The following EFNA2 variants were observed in gnomAD, a reference collection of about 807,000 sequenced individuals.
The protein encoded by EFNA2 is ephrin A2.
In EFNA2, 18 loss-of-function variants were observed where a neutral mutation model predicts 19.7. The observed-to-expected ratio is 0.91, with a 90% CI of 0.63 to 1.35. The LOEUF is 1.35. Ranked by LOEUF, EFNA2 falls within the 40% of genes most tolerant of loss-of-function variation. EFNA2 has a pLI of 0.00. For synonymous variants in EFNA2, 187 were observed against 137.8 expected, an observed-to-expected ratio of 1.36 and a Z score of -2.50; for missense variants, 303 against 296.0, an observed-to-expected ratio of 1.02 and a Z score of -0.17.
rs1240919559 is a variant in EFNA2 at position 1,301,268 on chromosome 19, C to T, written c.*1323C>T. On this transcript the variant is annotated 3_prime_UTR_variant, in exon 4 of 4. Transcript: ENST00000215368. ...TGTGTACGGCCGCCGGCCGGCGGCT[C>T]GAGGCACGCCCGGTGGTGGGGGGTG... Among the ~76,000 whole-genome samples, 1 of 132,170 alleles carries T rather than the reference C, an allele frequency of 7.6e-6. No individual in the cohort carries two copies. The allele number at this position is 132,170 out of a possible 152,430, so 86.7% of individuals were successfully genotyped here. A position where few individuals can be genotyped will look rare whatever the true frequency, so the allele number is the denominator to read the frequency against.
intron 3 of EFNA2, 120 bp from the exon 4 acceptor site, chr19:1,299,704 G>A (rs2081531375): frequency 7.3e-7 from 1 of 1,371,792 alleles, no homozygotes; most frequent in African/African-American, 1.5e-5. Context: ...AGGGAGCAGA[G>A]GGCCTGCCTG....
chr19:1,286,303 C>A lies in EFNA2; in HGVS notation c.135C>A (p.Asn45Lys). The A allele has an allele frequency of 2.0e-6, 2 of 1,010,306 alleles. No individual in the cohort carries two copies. Among genetic ancestry groups the A allele is most frequent in the Non-Finnish European group, 2.4e-6 (2 of 844,902 alleles). The allele number at this position is 1,010,306 out of a possible 1,614,324, so 62.6% of individuals were successfully genotyped here. ...ACGCCGTCTACTGGAACCGCAGCAA[C>A]CCCAGGTGAGCGCGGCCGCGCGCGG... is the stretch of plus-strand genomic sequence containing the variant. ...DRYAVYWNRS[N>K]PRFHAGAGDD... Residue 45 changes from asparagine (N) to lysine (K), a missense_variant, in exon 1 of 4, where the codon AAC becomes AAA. Coordinates refer to ENST00000215368, the MANE Select transcript of EFNA2 (RefSeq NM_001405.4). This position sits in a 1 kb window ranked among gnomAD's most constrained non-coding sequence, Gnocchi z 5.6.
At chr19:1,291,555 G>A (rs1600056646) in intron 1 of EFNA2, among the ~76,000 whole-genome samples, 4 of 152,118 alleles carry the variant, frequency 2.6e-5, no homozygotes, top group Admixed American at 1.3e-4. Flanking sequence ...CGGGCTGCCT[G>A]CTCATCCGGC....
rs893981874 is a variant in EFNA2, at chr19:1,297,841, G to T, written c.455-710G>T. ...AATCCCAGCACTTTGGGAGGCCGAG[G>T]CGGGTGGATCACCTGAGGTCAGGAG... On this transcript the variant is annotated intron_variant, in intron 2 of 3. Transcript: ENST00000215368. This position sits in a 1 kb window ranked among gnomAD's most constrained non-coding sequence, Gnocchi z 5.0. Among the ~76,000 whole-genome samples the T allele has an allele frequency of 1.3e-5, 2 of 152,102 alleles. No individual in the cohort carries two copies. The highest frequency in any genetic ancestry group is 2.4e-5 in the African/African-American group (1 of 41,422).
At position 1,299,789 on chromosome 19, in the gene EFNA2, G is replaced by A. The variant is rs766945017; in HGVS notation, c.521-35G>A. On this transcript the variant is annotated intron_variant, in intron 3 of 3. Coordinates refer to ENST00000215368, the MANE Select transcript of EFNA2 (RefSeq NM_001405.4). ...ACGTGGGGAGCCCAGTGGGGTTCGG[G>A]CGGCCGCTGAGCGTGCTGTCTCTGC... The A allele has an allele frequency of 3.2e-6, 5 of 1,570,454 alleles. No homozygotes were observed. The Admixed American group carries it at 8.9e-5, about 28-fold the overall frequency.
Position 1,300,278 on chromosome 19 carries a change from G to GTTTTTTTTTTT in EFNA2, c.*334_*335insTTTTTTTTTTT, listed in dbSNP as rs1600063478. On this transcript the variant is annotated 3_prime_UTR_variant, in exon 4 of 4. Coordinates refer to ENST00000215368, the MANE Select transcript of EFNA2 (RefSeq NM_001405.4). ...TTTTTTTTTTTTTTTTTTTTTTTTA[G>GTTTTTTTTTTT]TGTATTTTTCGTGGTTGGATCAAAA... The GTTTTTTTTTTT allele has an allele frequency of 9.9e-5, 9 of 91,148 alleles. No individual in the cohort carries two copies. Among genetic ancestry groups the GTTTTTTTTTTT allele is most frequent in the Admixed American group, 1.7e-4 (1 of 5,776 alleles). 5.6% of individuals were successfully genotyped at this position (91,148 alleles called of 1,614,324 possible).
rs1443772552 is a variant in EFNA2, at chr19:1,287,871, G to A, written c.140+1563G>A. Among the ~76,000 whole-genome samples, 4 of 152,244 alleles carry A rather than the reference G, an allele frequency of 2.6e-5. No individual in the cohort carries two copies. The highest frequency in any genetic ancestry group is 2.1e-4 in the South Asian group (1 of 4,838). On this transcript the variant is annotated intron_variant, in intron 1 of 3. Transcript: ENST00000215368. The surrounding 1 kb of genome is among the most constrained non-coding windows in gnomAD (Gnocchi z 6.2). ...TTGTTCTAGCAAACGCCAAACACACGAGGACCCGGCAACCGGGGGAGGAAG... is the reference window on the plus strand; with the variant it reads ...TTGTTCTAGCAAACGCCAAACACACAAGGACCCGGCAACCGGGGGAGGAAG...
At chr19:1,299,412 C>T (rs1204365792) in intron 3 of EFNA2, among the ~76,000 whole-genome samples, 1 of 151,708 alleles carries the variant, frequency 6.6e-6, no homozygotes, top group South Asian at 2.1e-4. Context: ...CAAAATTAGC[C>T]GGGCGTGGTG....
In EFNA2 at chr19:1,295,752, G is replaced by C; in HGVS notation, c.348G>C (p.Arg116=). 6.2e-7 allele frequency: 1 copy of C among 1,604,918 alleles called. No individual in the cohort carries two copies. The highest frequency in any genetic ancestry group is 8.5e-7 in the Non-Finnish European group (1 of 1,176,792). ...GCTTCAAGCGCTGGGAGTGCAACCG[G>C]CCCGCGGCGCCCGGGGGGCCGCTCA... ...QRGFKRWECN[R]PAAPGGPLKF... The change falls in exon 2 of 4, where the codon CGG becomes CGC. Residue 116 remains arginine, a synonymous_variant. Coordinates refer to ENST00000215368, the MANE Select transcript of EFNA2 (RefSeq NM_001405.4). This position sits in a 1 kb window ranked among gnomAD's most constrained non-coding sequence, Gnocchi z 5.8.
chr19:1,286,448 GCC>G lies in EFNA2; in HGVS notation c.140+145_140+146del. ...ATGCGGGCGCCCGGTTCCCGCGGGA[GCC>G]CCCCAGGGAGCTCCGGCCCCCCGGA... On this transcript the variant is annotated intron_variant, in intron 1 of 3. Coordinates refer to ENST00000215368, the MANE Select transcript of EFNA2 (RefSeq NM_001405.4). The surrounding 1 kb of genome is among the most constrained non-coding windows in gnomAD (Gnocchi z 5.6). The G allele has an allele frequency of 5.2e-6, 1 of 191,206 alleles. No individual in the cohort carries two copies. The highest frequency in any genetic ancestry group is 9.6e-6 in the Non-Finnish European group (1 of 104,470). 11.8% of individuals were successfully genotyped at this position (191,206 alleles called of 1,614,324 possible).
chr19:1,290,563 C>T (rs548573225), intron 1 of EFNA2, among the ~76,000 whole-genome samples: 9 of 152,258 alleles, frequency 5.9e-5, no homozygotes, highest in Admixed American at 6.5e-5. Flanking sequence ...CGGGTGGTAG[C>T]GTTTCTGTGG....
At chr19:1,284,645 G>A (rs2081455185), upstream of EFNA2, among the ~76,000 whole-genome samples, 1 of 152,214 alleles carries the variant, frequency 6.6e-6, no homozygotes, top group African/African-American at 2.4e-5. The surrounding 1 kb of genome is among the most constrained non-coding windows in gnomAD (Gnocchi z 5.3). Flanking sequence ...ACGTCTCAGA[G>A]CTGTGGGACG....
At chr19:1,290,459 T>C (rs1292542961) in intron 1 of EFNA2, among the ~76,000 whole-genome samples, 1 of 152,178 alleles carries the variant, frequency 6.6e-6, no homozygotes. Flanking sequence ...CCCCCGTCTC[T>C]GGGCTGACGT....
In EFNA2 at chr19:1,287,465, G is replaced by A. The variant is rs1016960716; in HGVS notation, c.140+1157G>A. On this transcript the variant is annotated intron_variant, in intron 1 of 3. Coordinates refer to ENST00000215368, the MANE Select transcript of EFNA2 (RefSeq NM_001405.4). The surrounding 1 kb of genome is among the most constrained non-coding windows in gnomAD (Gnocchi z 6.2). Reference sequence around the variant, plus strand: ...CCGACCGAGCCGCCCTCTGGAGCCCGCCACCCCTCCTTGTCCCCTCTGTCT... The same window carrying A: ...CCGACCGAGCCGCCCTCTGGAGCCCACCACCCCTCCTTGTCCCCTCTGTCT... 7.9e-5 allele frequency among the ~76,000 whole-genome samples: 12 copies of A among 151,872 alleles called. No homozygotes were observed. Among genetic ancestry groups the A allele is most frequent in the African/African-American group, 2.4e-4 (10 of 41,336 alleles).
chr19:1,285,947 G>T lies in EFNA2; in HGVS notation c.-222G>T, dbSNP rs2081461439. 6.9e-6 allele frequency among the ~76,000 whole-genome samples: 1 copy of T among 145,264 alleles called. No homozygotes were observed. ...GACAGTCCGCGCGGCCGGGTCCTGC[G>T]CCCGGGGCGACCCCGGCGCCCCGCC... is the stretch of plus-strand genomic sequence containing the variant. On this transcript the variant is annotated 5_prime_UTR_variant, in exon 1 of 4. Coordinates refer to ENST00000215368, the MANE Select transcript of EFNA2 (RefSeq NM_001405.4). This position sits in a 1 kb window ranked among gnomAD's most constrained non-coding sequence, Gnocchi z 4.1.
intron 1 of EFNA2, among the ~76,000 whole-genome samples, chr19:1,288,485 G>A (rs1168809467): frequency 2.0e-5 from 3 of 152,008 alleles, no homozygotes; most frequent in African/African-American, 4.8e-5. Context: ...TGGGGGATGC[G>A]GGGACCCCAA....
chr19:1,290,564 G>A (rs949028155), intron 1 of EFNA2, among the ~76,000 whole-genome samples: 9 of 152,296 alleles, frequency 5.9e-5, no homozygotes, highest in African/African-American at 1.7e-4. Context: ...GGGTGGTAGC[G>A]TTTCTGTGGA....
At position 1,286,346 on chromosome 19, in the gene EFNA2, C is replaced by T; in HGVS notation, c.140+38C>T. The T allele has an allele frequency of 1.0e-6, 1 of 975,350 alleles. No individual in the cohort carries two copies. The highest frequency in any genetic ancestry group is 1.2e-6 in the Non-Finnish European group (1 of 822,428). The allele number at this position is 975,350 out of a possible 1,614,324, so 60.4% of individuals were successfully genotyped here. ...GCGCGCGGGGGGCGCCCGGGGACCC[C>T]CCAACGCCCCCCAAGCCGCGCCCGG... On this transcript the variant is annotated intron_variant, in intron 1 of 3. Coordinates refer to ENST00000215368, the MANE Select transcript of EFNA2 (RefSeq NM_001405.4). This position sits in a 1 kb window ranked among gnomAD's most constrained non-coding sequence, Gnocchi z 5.6.
intron 1 of EFNA2, among the ~76,000 whole-genome samples, chr19:1,291,166 G>A (rs1375567840): frequency 6.6e-6 from 1 of 152,204 alleles, no homozygotes; most frequent in Non-Finnish European, 1.5e-5. Flanking sequence ...GGGGCAGGAA[G>A]GTGGGTGGCC....
Sources: allele counts gnomAD v4.1 joint callset (sites outside exome capture counted in the v4.1 genomes callset), GRCh38; gene constraint gnomAD v4.1.1; non-coding constraint Gnocchi (gnomAD v3.1); transcripts MANE v1.5; gene names NCBI Gene and HGNC (gene_info 2026-07-23, HGNC 2026-07-21).